The following PLPP4 variants were observed in gnomAD, a reference collection of about 807,000 sequenced individuals.
PLPP4 encodes phospholipid phosphatase 4, also known as diacylglycerol pyrophosphate like 2.
PLPP4 carries 20 observed loss-of-function variants against 32.2 expected under a neutral mutation model. The ratio of observed to expected loss-of-function variants is 0.62; its 90% CI spans 0.44 to 0.90. PLPP4 has a LOEUF of 0.90. Among genes scored for constraint, PLPP4 ranks in the 40% least tolerant of loss-of-function variants. The pLI is 0.00. For synonymous variants in PLPP4, 127 were observed against 133.0 expected (o/e 0.95, Z 0.31); for missense variants, 257 against 353.1 (o/e 0.73, Z 2.18).
chr10:120,546,721 C>T (rs1031939227), intron 5 of PLPP4, among the ~76,000 whole-genome samples: 2 of 152,176 alleles, frequency 1.3e-5, no homozygotes. Context: ...GCATCCACAT[C>T]CTGCCTACCC....
intron 3 of PLPP4, among the ~76,000 whole-genome samples, chr10:120,516,968 G>A (rs1201234130): frequency 6.6e-6 from 1 of 152,158 alleles, no homozygotes; most frequent in Non-Finnish European, 1.5e-5. Flanking sequence ...GTTTCCTTCA[G>A]GTGTTTGGAT....
intron 2 of PLPP4, among the ~76,000 whole-genome samples, chr10:120,513,561 A>G (rs1845813513): frequency 6.6e-6 from 1 of 152,222 alleles, no homozygotes; most frequent in Non-Finnish European, 1.5e-5. Flanking sequence ...GTTGGAGGCC[A>G]AGGGTTCTTC....
intron 1 of PLPP4, among the ~76,000 whole-genome samples, chr10:120,459,915 G>A (rs937769867): frequency 3.9e-5 from 6 of 152,154 alleles, no homozygotes; most frequent in African/African-American, 1.2e-4. Context: ...ACGGGTAGTA[G>A]GGATGCAAGC....
At chr10:120,535,254 T>C (rs1846962992) in intron 5 of PLPP4, among the ~76,000 whole-genome samples, 1 of 152,168 alleles carries the variant, frequency 6.6e-6, no homozygotes, top group African/African-American at 2.4e-5. Flanking sequence ...TAGGAGTTGA[T>C]TGTTTACTTT....
intron 5 of PLPP4, among the ~76,000 whole-genome samples, chr10:120,548,829 A>G (rs1400531517): frequency 6.6e-6 from 1 of 152,026 alleles, no homozygotes; most frequent in African/African-American, 2.4e-5. Context: ...ATCATTAGTG[A>G]TGTTGAGCAT....
intron 1 of PLPP4, among the ~76,000 whole-genome samples, chr10:120,498,273 T>C (rs7068593): frequency 0.47 from 70,370 of 151,112 alleles, 16,603 homozygotes; most frequent in East Asian, 0.6. Context: ...ATGATGTTGA[T>C]CATAGTTAAC....
At chr10:120,494,049 G>C (rs1056150832) in intron 1 of PLPP4, among the ~76,000 whole-genome samples, 9 of 152,148 alleles carry the variant, frequency 5.9e-5, no homozygotes, top group African/African-American at 2.2e-4. Context: ...ACTGTGCCTG[G>C]TCATATCAAT....
intron 5 of PLPP4, among the ~76,000 whole-genome samples, chr10:120,551,346 T>TA (rs1348083004): frequency 6.6e-6 from 1 of 152,210 alleles, no homozygotes; most frequent in Non-Finnish European, 1.5e-5. Context: ...ATCATATACT[T>TA]ATCCTACTAC....
intron 5 of PLPP4, among the ~76,000 whole-genome samples, chr10:120,556,963 A>G (rs766654556): frequency 1.5e-4 from 23 of 152,314 alleles, no homozygotes; most frequent in Admixed American, 4.6e-4. Context: ...GAGATCTCCA[A>G]CTGATGATTC....
intron 2 of PLPP4, among the ~76,000 whole-genome samples, chr10:120,510,012 T>TC (rs1296836258): frequency 6.6e-6 from 1 of 152,216 alleles, no homozygotes; most frequent in Non-Finnish European, 1.5e-5. Flanking sequence ...TTGTGTGACT[T>TC]CCAGCAGGTT....
At position 120,497,939 on chromosome 10, in the gene PLPP4, C is replaced by T. The variant is rs1294115226; in HGVS notation, c.57-5879C>T. Among the ~76,000 whole-genome samples the T allele has an allele frequency of 2.0e-5, 3 of 152,082 alleles. No individual in the cohort carries two copies. The South Asian group carries it at 6.2e-4, about 32-fold the overall frequency. ...CCTGTAGTCTCAGCTACTCGGGAGC[C>T]TGAGGCAGGAGAATGGCGTGAACCT... On this transcript the variant is annotated intron_variant, in intron 1 of 6. Coordinates refer to ENST00000398250, the MANE Select transcript of PLPP4 (RefSeq NM_001030059.3).
At chr10:120,476,869 A>G (rs977111138) in intron 1 of PLPP4, among the ~76,000 whole-genome samples, 3 of 152,134 alleles carry the variant, frequency 2.0e-5, no homozygotes, top group Non-Finnish European at 2.9e-5. Context: ...CATTGCCTTC[A>G]TAGGTGCTTG....
chr10:120,536,097 A>T (rs527433551), intron 5 of PLPP4, among the ~76,000 whole-genome samples: 1 of 152,272 alleles, frequency 6.6e-6, no homozygotes, highest in Admixed American at 6.5e-5. Context: ...CAATATTGTC[A>T]AGATGTTTAT....
chr10:120,496,061 A>G (rs1844950032), intron 1 of PLPP4, among the ~76,000 whole-genome samples: 1 of 152,188 alleles, frequency 6.6e-6, no homozygotes, highest in African/African-American at 2.4e-5. Flanking sequence ...GATCTGGTTT[A>G]TATTTCAGTA....
intron 5 of PLPP4, among the ~76,000 whole-genome samples, chr10:120,522,103 A>C (rs964127601): frequency 1.3e-5 from 2 of 152,218 alleles, no homozygotes; most frequent in African/African-American, 2.4e-5. Context: ...CTATGGTCAC[A>C]GGTGACCATC....
At chr10:120,584,690 A>C (rs995652606) in intron 6 of PLPP4, among the ~76,000 whole-genome samples, 1 of 152,216 alleles carries the variant, frequency 6.6e-6, no homozygotes, top group African/African-American at 2.4e-5. Flanking sequence ...TCAAAATAGC[A>C]ATAGCCCACT....
chr10:120,522,186 A>G (rs1846183432), intron 5 of PLPP4, among the ~76,000 whole-genome samples: 1 of 152,228 alleles, frequency 6.6e-6, no homozygotes, highest in Non-Finnish European at 1.5e-5. Flanking sequence ...ATTTACCTTT[A>G]GCAAGCCTGC....
chr10:120,541,865 C>G (rs1847359504), intron 5 of PLPP4, among the ~76,000 whole-genome samples: 2 of 151,618 alleles, frequency 1.3e-5, no homozygotes, highest in South Asian at 2.1e-4. Context: ...ACCTTTGTCT[C>G]CTGGGTTCAA....
At chr10:120,543,276 G>A (rs12412252) in intron 5 of PLPP4, among the ~76,000 whole-genome samples, 18 of 152,206 alleles carry the variant, frequency 1.2e-4, no homozygotes, top group Admixed American at 1.2e-3. Flanking sequence ...ATTGTCTAGC[G>A]GGGGATGTTG....
Sources: gnomAD v4.1 joint callset for allele counts (sites outside exome capture counted in the v4.1 genomes callset) on GRCh38, gnomAD v4.1.1 for gene constraint, MANE v1.5 for transcripts, NCBI Gene and HGNC (gene_info 2026-07-23, HGNC 2026-07-21) for gene names.